PCNX1: variants seen among roughly 807,000 people sequenced by gnomAD.
PCNX1 encodes the protein pecanex-like protein 1.
In PCNX1, 78 loss-of-function variants were observed where a neutral mutation model predicts 242.2. That is an observed-to-expected ratio of 0.32 (90% CI 0.27 to 0.39). PCNX1 has a LOEUF of 0.39. Among genes scored for constraint, PCNX1 ranks in the 10% least tolerant of loss-of-function variants. The pLI, the probability that PCNX1 is intolerant of heterozygous loss-of-function variation, is 1.00. For synonymous variants in PCNX1, 1,024 were observed against 1,032.9 expected, an observed-to-expected ratio of 0.99 and a Z score of 0.17; for missense variants, 2,581 against 2,856.5, an observed-to-expected ratio of 0.90 and a Z score of 2.20.
At chr14:71,053,345 T>C (rs1197556704) in intron 24 of PCNX1, 2 of 447,662 alleles carry the variant, frequency 4.5e-6, no homozygotes, top group Non-Finnish European at 8.9e-6. Flanking sequence ...CAATCTCGAC[T>C]CACTGCAACC....
At chr14:70,998,000 T>C (rs2059400431) in intron 8 of PCNX1, among the ~76,000 whole-genome samples, 2 of 152,232 alleles carry the variant, frequency 1.3e-5, no homozygotes, top group African/African-American at 2.4e-5. Flanking sequence ...TATTAAAAAT[T>C]TTTAACCAGT....
chr14:71,060,443 A>C (rs1382286848), intron 26 of PCNX1, among the ~76,000 whole-genome samples: 1 of 152,194 alleles, frequency 6.6e-6, no homozygotes, highest in East Asian at 1.9e-4. Context: ...CATACATCTC[A>C]CATTTACTGT....
intron 19 of PCNX1, among the ~76,000 whole-genome samples, chr14:71,040,090 G>A (rs1051795550): frequency 5.3e-5 from 8 of 152,112 alleles, no homozygotes; most frequent in African/African-American, 1.9e-4. Flanking sequence ...AGGATTACAG[G>A]TGTGAGCCAC....
intron 5 of PCNX1, among the ~76,000 whole-genome samples, chr14:70,973,252 C>CAAAAAA (rs71448337): frequency 1.2e-5 from 1 of 80,452 alleles, no homozygotes; most frequent in Non-Finnish European, 2.5e-5. Context: ...CACTCTGTCT[C>CAAAAAA]AAAAAAAAAA....
chr14:71,101,950 T>C, intron 30 of PCNX1, 40 bp from the exon 31 acceptor site: 2 of 1,197,806 alleles, frequency 1.7e-6, no homozygotes, highest in Non-Finnish European at 1.2e-6. Context: ...TCAGTTCTTT[T>C]ATTTTCCTTT....
In PCNX1 at chr14:71,114,629, G is replaced by A. The variant is rs917450660; in HGVS notation, c.*4694G>A. 6.6e-6 allele frequency: 1 copy of A among 152,544 alleles called. No homozygotes were observed. The highest frequency in any genetic ancestry group is 2.4e-5 in the African/African-American group (1 of 41,422). 9.4% of individuals were successfully genotyped at this position (152,544 alleles called of 1,614,324 possible). On this transcript the variant is annotated 3_prime_UTR_variant, in exon 36 of 36. Transcript: ENST00000304743. ...GAACTAGAGCTGATTGTCACCACAA[G>A]GTTATATGACAACTCTGTTCTAAGA...
At chr14:70,949,024 G>A (rs112523240) in intron 2 of PCNX1, among the ~76,000 whole-genome samples, 2 of 143,538 alleles carry the variant, frequency 1.4e-5, no homozygotes, top group African/African-American at 5.3e-5. Flanking sequence ...TAAATAAAAT[G>A]TGTGTGTATA....
intron 30 of PCNX1, among the ~76,000 whole-genome samples, chr14:71,091,418 A>C (rs10150546): frequency 1.6e-3 from 249 of 152,338 alleles, no homozygotes; most frequent in African/African-American, 5.7e-3. Context: ...TTTATACAAC[A>C]GAATTAAAGT....
chr14:71,035,291 T>TA (rs1239160891), intron 18 of PCNX1, among the ~76,000 whole-genome samples: 1 of 152,164 alleles, frequency 6.6e-6, no homozygotes, highest in Non-Finnish European at 1.5e-5. Flanking sequence ...AAGTAAAACT[T>TA]ACCAATGGGG....
intron 23 of PCNX1, among the ~76,000 whole-genome samples, chr14:71,051,450 A>G (rs1455992952): frequency 6.6e-6 from 1 of 152,182 alleles, no homozygotes; most frequent in African/African-American, 2.4e-5. Flanking sequence ...TGAAATTGAT[A>G]GAATTAAACT....
chr14:71,042,723 A>AG (rs1189744295), intron 19 of PCNX1, among the ~76,000 whole-genome samples: 1 of 152,112 alleles, frequency 6.6e-6, no homozygotes, highest in Non-Finnish European at 1.5e-5. Flanking sequence ...ATTTACATTC[A>AG]GGGTTTTTTG....
chr14:70,950,583 A>G (rs1034244345), intron 2 of PCNX1, among the ~76,000 whole-genome samples: 1 of 152,142 alleles, frequency 6.6e-6, no homozygotes, highest in African/African-American at 2.4e-5. Flanking sequence ...CCATTTAATG[A>G]CTATGACCAG....
At chr14:70,924,644 T>TG (rs2056516156) in intron 1 of PCNX1, among the ~76,000 whole-genome samples, 1 of 152,118 alleles carries the variant, frequency 6.6e-6, no homozygotes. Flanking sequence ...CTGGAGTGCA[T>TG]GGCGTGATCA....
intron 2 of PCNX1, among the ~76,000 whole-genome samples, chr14:70,947,729 G>C (rs2057515762): frequency 6.6e-6 from 1 of 152,190 alleles, no homozygotes; most frequent in African/African-American, 2.4e-5. Context: ...AAAAGGAAGA[G>C]GATAACAGCG....
intron 1 of PCNX1, among the ~76,000 whole-genome samples, chr14:70,914,309 A>G (rs2056058120): frequency 6.8e-6 from 1 of 146,184 alleles, no homozygotes; most frequent in Admixed American, 6.9e-5. Flanking sequence ...ACAAACCTGC[A>G]CATGTACCTT....
chr14:71,015,379 TTATAACA>T (rs2059934771), intron 11 of PCNX1, among the ~76,000 whole-genome samples: 1 of 152,228 alleles, frequency 6.6e-6, no homozygotes, highest in Non-Finnish European at 1.5e-5. Flanking sequence ...TTCGTGTGGT[TTATAACA>T]TGTAAAAGTA....
At chr14:71,080,236 C>G (rs2141525046) in intron 28 of PCNX1, among the ~76,000 whole-genome samples, 1 of 152,228 alleles carries the variant, frequency 6.6e-6, no homozygotes, top group South Asian at 2.1e-4. Flanking sequence ...ATCTATATAT[C>G]TGTTTTGGTG....
At chr14:71,078,472 A>T (rs775935736) in intron 28 of PCNX1, among the ~76,000 whole-genome samples, 1 of 152,242 alleles carries the variant, frequency 6.6e-6, no homozygotes, top group Non-Finnish European at 1.5e-5. Flanking sequence ...GAAAAGATTC[A>T]TCTCAGCTTC....
chr14:70,988,125 C>T (rs1207915669), intron 6 of PCNX1, among the ~76,000 whole-genome samples: 1 of 152,156 alleles, frequency 6.6e-6, no homozygotes, highest in Non-Finnish European at 1.5e-5. Context: ...GTGAAATATA[C>T]TGTCTTTGCT....
Sources: allele counts gnomAD v4.1 joint callset (sites outside exome capture counted in the v4.1 genomes callset), GRCh38; gene constraint gnomAD v4.1.1; transcripts MANE v1.5; gene names NCBI Gene and HGNC (gene_info 2026-07-23, HGNC 2026-07-21).